The following KCNQ5 variants were observed in gnomAD, a reference collection of about 807,000 sequenced individuals.
KCNQ5 encodes potassium voltage-gated channel subfamily Q member 5.
Under a neutral mutation model 98.2 loss-of-function variants are expected in KCNQ5, and 30 were observed. The ratio of observed to expected loss-of-function variants is 0.31; its 90% CI spans 0.23 to 0.41. The LOEUF (loss-of-function observed/expected upper bound fraction) is 0.41, where lower values mean the gene tolerates loss of function less well. Among genes scored for constraint, KCNQ5 ranks in the 10% least tolerant of loss-of-function variants. KCNQ5 has a pLI of 1.00. For missense variants in KCNQ5, 835 were observed against 1,182.5 expected (o/e 0.71, Z 4.31); for synonymous variants, 458 against 449.4 (o/e 1.02, Z -0.24).
chr6:73,004,991 G>A (rs1769752687), intron 2 of KCNQ5, among the ~76,000 whole-genome samples: 1 of 152,184 alleles, frequency 6.6e-6, no homozygotes, highest in Admixed American at 6.5e-5. Context: ...CCTGAGAGAG[G>A]GGGCAGATGC....
intron 1 of KCNQ5, among the ~76,000 whole-genome samples, chr6:72,976,282 C>A (rs761263169): frequency 6.6e-6 from 1 of 152,104 alleles, no homozygotes; most frequent in African/African-American, 2.4e-5. Flanking sequence ...AACCTTTTTA[C>A]GGAAAAATGA....
intron 1 of KCNQ5, among the ~76,000 whole-genome samples, chr6:72,945,420 C>T (rs1463813985): frequency 1.7e-4 from 20 of 116,872 alleles, no homozygotes; most frequent in East Asian, 5.4e-4. Context: ...CACCCCACGA[C>T]AGGCCCCGGT....
chr6:73,077,717 A>G, intron 4 of KCNQ5, 45 bp from the exon 5 acceptor site: 1 of 1,555,914 alleles, frequency 6.4e-7, no homozygotes, highest in Non-Finnish European at 8.7e-7. Flanking sequence ...TTCCTTTTTC[A>G]AAGATTTCCC....
rs765044972 is a variant in KCNQ5, at chr6:73,003,872, G to A, written c.399-36G>A. On this transcript the variant is annotated intron_variant, in intron 1 of 13. Coordinates refer to ENST00000370398, the MANE Select transcript of KCNQ5 (RefSeq NM_019842.4). ...AATTAAGTCTGTGATAATAAGGTAA[G>A]GTTCTTATCAGATTTCTCTTTTTGT... 3.0e-6 allele frequency: 4 copies of A among 1,342,324 alleles called. No individual in the cohort carries two copies. In the African/African-American group the frequency reaches 4.3e-5, roughly 15 times the overall value. The allele number at this position is 1,342,324 out of a possible 1,614,324, so 83.2% of individuals were successfully genotyped here.
At chr6:72,989,946 T>G (rs62412501) in intron 1 of KCNQ5, among the ~76,000 whole-genome samples, 22,591 of 34,900 alleles carry the variant, frequency 0.65, 7,412 homozygotes, top group Non-Finnish European at 0.78. Flanking sequence ...TTCTCAGGTT[T>G]GTCAAAGATC....
chr6:72,698,636 T>TC lies in KCNQ5; in HGVS notation c.398+76049_398+76050insC, dbSNP rs372464374. 3.1e-3 allele frequency among the ~76,000 whole-genome samples: 370 copies of TC among 121,172 alleles called. 3 individuals carry two copies. Among genetic ancestry groups the TC allele is most frequent in the African/African-American group, 0.013 (359 of 27,672 alleles). 79.5% of individuals were successfully genotyped at this position (121,172 alleles called of 152,430 possible). On this transcript the variant is annotated intron_variant, in intron 1 of 13. Transcript: ENST00000370398. ...TAATTTGGAAGTAAATCTGTGTTTT[T>TC]TTCTTCTTCTTCTTTTTTTTTTTTT...
At chr6:73,145,320 G>T (rs1776879702) in intron 10 of KCNQ5, among the ~76,000 whole-genome samples, 1 of 152,218 alleles carries the variant, frequency 6.6e-6, no homozygotes, top group African/African-American at 2.4e-5. Context: ...CAGTCTAAAT[G>T]CCAAAACTGG....
At chr6:72,631,825 T>G (rs1433853451) in intron 1 of KCNQ5, among the ~76,000 whole-genome samples, 1 of 152,152 alleles carries the variant, frequency 6.6e-6, no homozygotes, top group Non-Finnish European at 1.5e-5. Context: ...GAGAAGAAGT[T>G]TTTTTATCAC....
chr6:72,776,398 T>C (rs1215862636), intron 1 of KCNQ5, among the ~76,000 whole-genome samples: 2 of 152,238 alleles, frequency 1.3e-5, no homozygotes, highest in Non-Finnish European at 2.9e-5. Context: ...AGGAGCTTTA[T>C]GAACAATTAC....
intron 1 of KCNQ5, among the ~76,000 whole-genome samples, chr6:72,859,294 A>T (rs1777661708): frequency 6.6e-6 from 1 of 152,152 alleles, no homozygotes; most frequent in African/African-American, 2.4e-5. Flanking sequence ...ATTCCAGTCA[A>T]TGGCATTGAA....
At chr6:73,025,060 C>A (rs1023149744) in intron 2 of KCNQ5, among the ~76,000 whole-genome samples, 7 of 152,192 alleles carry the variant, frequency 4.6e-5, no homozygotes, top group African/African-American at 1.7e-4. Context: ...ATGGCCACTC[C>A]TTTACACGCA....
intron 3 of KCNQ5, among the ~76,000 whole-genome samples, chr6:73,069,002 C>T (rs986810762): frequency 3.3e-5 from 5 of 152,208 alleles, no homozygotes; most frequent in African/African-American, 1.2e-4. Flanking sequence ...CTTTTTTTCT[C>T]TGCCTTGCCA....
chr6:72,627,045 T>G (rs917949049), intron 1 of KCNQ5, among the ~76,000 whole-genome samples: 6 of 152,302 alleles, frequency 3.9e-5, no homozygotes, highest in Non-Finnish European at 8.8e-5. Context: ...GTGGAGATTT[T>G]AAGTGGTGGG....
intron 1 of KCNQ5, among the ~76,000 whole-genome samples, chr6:72,651,908 T>G (rs1765894326): frequency 6.6e-6 from 1 of 152,066 alleles, no homozygotes; most frequent in Non-Finnish European, 1.5e-5. Flanking sequence ...TTTTAAAACT[T>G]ATACTCAAAA....
At chr6:72,651,066 A>G (rs1415526028) in intron 1 of KCNQ5, among the ~76,000 whole-genome samples, 1 of 152,064 alleles carries the variant, frequency 6.6e-6, no homozygotes, top group East Asian at 1.9e-4. Flanking sequence ...TTCTGTGTGG[A>G]GGTAAAGTAT....
chr6:73,193,109 C>T lies in KCNQ5; in HGVS notation c.1836+418C>T, dbSNP rs143498099. Among the ~76,000 whole-genome samples the T allele has an allele frequency of 6.2e-3, 933 of 151,158 alleles. 15 individuals are homozygous for T. Among genetic ancestry groups the T allele is most frequent in the African/African-American group, 0.021 (846 of 41,062 alleles). On this transcript the variant is annotated intron_variant, in intron 13 of 13. Coordinates refer to ENST00000370398, the MANE Select transcript of KCNQ5 (RefSeq NM_019842.4). The stretch of plus-strand genomic sequence containing the variant: ...GCTCCCAGCTCACTGCAACCTCCGC[C>T]TCCTGGGTTCAAGTGATTCTCGTGC...
At chr6:73,063,849 A>G (rs1027807070) in intron 3 of KCNQ5, among the ~76,000 whole-genome samples, 1 of 152,150 alleles carries the variant, frequency 6.6e-6, no homozygotes, top group Non-Finnish European at 1.5e-5. Flanking sequence ...TATTTACTCA[A>G]ATTCACTCTT....
At chr6:73,185,763 A>G (rs79834077) in intron 11 of KCNQ5, among the ~76,000 whole-genome samples, 4,713 of 152,198 alleles carry the variant, frequency 0.031, 108 homozygotes, top group East Asian at 0.1. Flanking sequence ...TTTAGGAGGG[A>G]GGTAATATGC....
intron 1 of KCNQ5, among the ~76,000 whole-genome samples, chr6:72,914,259 C>T (rs1229809391): frequency 5.3e-5 from 8 of 151,778 alleles, no homozygotes; most frequent in Admixed American, 2.0e-4. Context: ...GCATCTGGAG[C>T]GCTTACTCAG....
Sources: allele counts gnomAD v4.1 joint callset (sites outside exome capture counted in the v4.1 genomes callset), GRCh38; gene constraint gnomAD v4.1.1; transcripts MANE v1.5; gene names NCBI Gene and HGNC (gene_info 2026-07-23, HGNC 2026-07-21).